TNFRSF21: variants seen among roughly 807,000 people sequenced by gnomAD.
TNFRSF21 encodes the protein TNF receptor superfamily member 21, also known as tumor necrosis factor receptor superfamily member 21.
A neutral mutation model predicts 45.6 loss-of-function variants in TNFRSF21; 19 were observed. That is an observed-to-expected ratio of 0.42 (90% CI 0.29 to 0.61). The LOEUF is 0.61. Among genes scored for constraint, TNFRSF21 ranks in the 20% least tolerant of loss-of-function variants. The probability of loss-of-function intolerance (pLI) is 0.23; values close to 1 mark genes in which losing one functional copy is unlikely to be tolerated. For synonymous variants in TNFRSF21, 314 were observed against 335.5 expected (o/e 0.94, Z 0.70); for missense variants, 737 against 851.5 (o/e 0.87, Z 1.67).
Position 47,241,684 on chromosome 6 carries a change from T to C in TNFRSF21, c.1510-6786A>G, listed in dbSNP as rs143859408. ...GAATCTAGATGGTAGATTTATTATT[T>C]GTTGTAATGTGCTTCCAAATTTTCT... On this transcript the variant is annotated intron_variant, in intron 4 of 5. Coordinates refer to ENST00000296861, the MANE Select transcript of TNFRSF21 (RefSeq NM_014452.5). Among the ~76,000 whole-genome samples the C allele has an allele frequency of 2.1e-3, 324 of 152,334 alleles. 2 individuals are homozygous for C. Among genetic ancestry groups the C allele is most frequent in the African/African-American group, 7.3e-3 (304 of 41,568 alleles).
chr6:47,234,017 G>A (rs940565297), intron 5 of TNFRSF21, among the ~76,000 whole-genome samples: 2 of 152,070 alleles, frequency 1.3e-5, no homozygotes, highest in African/African-American at 4.8e-5. Flanking sequence ...TTGGGACAAA[G>A]TTTTGCTCTT....
intron 1 of TNFRSF21, among the ~76,000 whole-genome samples, chr6:47,303,470 T>C (rs1762900201): frequency 6.6e-6 from 1 of 152,184 alleles, no homozygotes; most frequent in Non-Finnish European, 1.5e-5. Flanking sequence ...ACTGCACACA[T>C]CTGTCATCTC....
At chr6:47,253,113 T>C in intron 4 of TNFRSF21, 143 bp downstream of exon 4, 1 of 984,048 alleles carries the variant, frequency 1.0e-6, no homozygotes, top group Non-Finnish European at 1.5e-6. Context: ...GGTGTGTGTG[T>C]GTGTGTGCAG....
Position 47,286,415 on chromosome 6 carries a change from C to T in TNFRSF21, c.277G>A (p.Val93Met), listed in dbSNP as rs1762649662. ...TTCTCATGCCTGGTAAAGGTCCCCA[C>T]AGGGCAACTGCTGCAGACGCGCAGG... is the stretch of plus-strand genomic sequence containing the variant. ...TSLRVCSSCPVGTFTRHENGI... is the reference protein window; with the variant it reads ...TSLRVCSSCPMGTFTRHENGI... Residue 93 changes from valine to methionine, a missense_variant, in exon 2 of 6, where the codon GTG becomes ATG. Physicochemically the swap from Val to Met is conservative, Grantham distance 21. Coordinates refer to ENST00000296861, the MANE Select transcript of TNFRSF21 (RefSeq NM_014452.5). 2 of 1,614,218 alleles carry T rather than the reference C, an allele frequency of 1.2e-6. No homozygotes were observed. The highest frequency in any genetic ancestry group is 8.5e-7 in the Non-Finnish European group (1 of 1,180,038).
intron 3 of TNFRSF21, among the ~76,000 whole-genome samples, chr6:47,276,199 G>T (rs529607669): frequency 1.3e-5 from 2 of 152,132 alleles, no homozygotes; most frequent in Non-Finnish European, 2.9e-5. Flanking sequence ...AGTTGTAGCA[G>T]GTACATGGCA....
intron 3 of TNFRSF21, among the ~76,000 whole-genome samples, chr6:47,258,697 C>T (rs545210112): frequency 6.6e-6 from 1 of 152,238 alleles, no homozygotes; most frequent in Non-Finnish European, 1.5e-5. Flanking sequence ...CCTCAGCTTC[C>T]CAAAGTGCTG....
intron 4 of TNFRSF21, among the ~76,000 whole-genome samples, chr6:47,247,276 G>C (rs529695237): frequency 6.6e-6 from 1 of 152,154 alleles, no homozygotes; most frequent in South Asian, 2.1e-4. Context: ...CACCCCAGAA[G>C]TTCCCCAGAG....
intron 4 of TNFRSF21, among the ~76,000 whole-genome samples, chr6:47,252,998 G>A (rs544148440): frequency 1.8e-4 from 28 of 151,730 alleles, no homozygotes; most frequent in African/African-American, 6.7e-4. Context: ...TGGAGATTCT[G>A]ATGTGACTGG....
intron 3 of TNFRSF21, among the ~76,000 whole-genome samples, chr6:47,274,296 C>T (rs1026967999): frequency 1.3e-5 from 2 of 152,088 alleles, no homozygotes; most frequent in Non-Finnish European, 2.9e-5. Flanking sequence ...GATATATAGA[C>T]CAATGGAACA....
At chr6:47,235,125 A>G (rs1467982564) in intron 4 of TNFRSF21, among the ~76,000 whole-genome samples, 1 of 152,226 alleles carries the variant, frequency 6.6e-6, no homozygotes, top group Non-Finnish European at 1.5e-5. Flanking sequence ...GGGGAGGCAT[A>G]TGAACCAAGC....
At chr6:47,308,744 G>C (rs1166520024) in intron 1 of TNFRSF21, among the ~76,000 whole-genome samples, 1 of 151,902 alleles carries the variant, frequency 6.6e-6, no homozygotes, top group African/African-American at 2.4e-5. Flanking sequence ...GCTGGAAGCC[G>C]GCGCTTTGGA....
intron 1 of TNFRSF21, among the ~76,000 whole-genome samples, chr6:47,302,505 T>G (rs1762878330): frequency 6.6e-6 from 1 of 152,184 alleles, no homozygotes; most frequent in Non-Finnish European, 1.5e-5. Flanking sequence ...TTATAACATT[T>G]CAATTTGCAG....
intron 3 of TNFRSF21, among the ~76,000 whole-genome samples, chr6:47,261,750 C>A (rs1339198278): frequency 1.3e-5 from 2 of 152,244 alleles, no homozygotes; most frequent in African/African-American, 4.8e-5. Context: ...TCTCCCACTG[C>A]AGCAAAATCC....
intron 3 of TNFRSF21, among the ~76,000 whole-genome samples, chr6:47,254,420 T>C (rs1286929870): frequency 1.3e-5 from 2 of 152,244 alleles, no homozygotes; most frequent in Non-Finnish European, 2.9e-5. Context: ...CACAGGCAAC[T>C]GAAACCTTGG....
intron 3 of TNFRSF21, among the ~76,000 whole-genome samples, chr6:47,282,085 T>TA (rs1385765142): frequency 3.9e-5 from 6 of 151,940 alleles, no homozygotes; most frequent in East Asian, 3.9e-4. Flanking sequence ...GCTGATAAGC[T>TA]AAAAAAACAA....
In TNFRSF21 at chr6:47,284,194, C is replaced by T; in HGVS notation, c.987G>A (p.Lys329=). 1 of 1,614,226 alleles carries T rather than the reference C, an allele frequency of 6.2e-7. No homozygotes were observed. Among genetic ancestry groups the T allele is most frequent in the East Asian group, 2.2e-5 (1 of 44,888 alleles). ...TGGEKSSTPI[K]GPKRGHPRQN... is the part of the protein sequence containing the mutation. ...GTCTAGGATGTCCCCTCTTGGGGCC[C>T]TTGATGGGCGTGCTGGACTTCTCGC... The change falls in exon 3 of 6, where the codon AAG becomes AAA. Residue 329 remains lysine (K), a synonymous_variant. Transcript: ENST00000296861.
intron 4 of TNFRSF21, among the ~76,000 whole-genome samples, chr6:47,242,951 A>G (rs1764769147): frequency 6.6e-6 from 1 of 152,242 alleles, no homozygotes; most frequent in African/African-American, 2.4e-5. Context: ...ATCCATGAGA[A>G]AAAGTTTCGC....
intron 1 of TNFRSF21, among the ~76,000 whole-genome samples, chr6:47,298,284 TAAAA>T (rs558717941): frequency 1.3e-5 from 1 of 74,408 alleles, no homozygotes; most frequent in African/African-American, 4.8e-5. Flanking sequence ...TACAAAAAAT[TAAAA>T]AAAAAAAAAA....
intron 4 of TNFRSF21, among the ~76,000 whole-genome samples, chr6:47,252,229 G>A (rs1434519652): frequency 2.0e-5 from 3 of 152,202 alleles, no homozygotes; most frequent in Admixed American, 6.5e-5. Flanking sequence ...CTGAATTGAT[G>A]TCATAAAAAA....
Sources: allele counts gnomAD v4.1 joint callset (sites outside exome capture counted in the v4.1 genomes callset), GRCh38; gene constraint gnomAD v4.1.1; transcripts MANE v1.5; gene names NCBI Gene and HGNC (gene_info 2026-07-23, HGNC 2026-07-21).